The following BMPR2 variants were observed in gnomAD, a reference collection of about 807,000 sequenced individuals.
The protein encoded by BMPR2 is bone morphogenetic protein receptor type-2.
In BMPR2, 29 loss-of-function variants were observed where a neutral mutation model predicts 100.8. The ratio of observed to expected loss-of-function variants is 0.29; its 90% CI spans 0.21 to 0.39. The LOEUF is 0.39. Among genes scored for constraint, BMPR2 ranks in the 10% least tolerant of loss-of-function variants. The pLI, the probability that BMPR2 is intolerant of heterozygous loss-of-function variation, is 1.00. For missense variants in BMPR2, 1,011 were observed against 1,274.5 expected (o/e 0.79, Z 3.15); for synonymous variants, 382 against 442.3 (o/e 0.86, Z 1.71).
rs1008109527 is a variant in BMPR2 at position 202,560,068 on chromosome 2, A to G, written c.*122A>G. Reference sequence around the variant, plus strand: ...CAGCACCCCCTCCCACCCCTGCAACAAAGACTTGCTTTAAATAGATTTCAG... The same window carrying G: ...CAGCACCCCCTCCCACCCCTGCAACGAAGACTTGCTTTAAATAGATTTCAG... On this transcript the variant is annotated 3_prime_UTR_variant, in exon 13 of 13. Coordinates refer to ENST00000374580, the MANE Select transcript of BMPR2 (RefSeq NM_001204.7). The G allele has an allele frequency of 2.5e-6, 3 of 1,224,420 alleles. No individual in the cohort carries two copies. In the African/African-American group the frequency reaches 4.6e-5, roughly 19 times the overall value. The allele number at this position is 1,224,420 out of a possible 1,614,324, so 75.8% of individuals were successfully genotyped here.
intron 1 of BMPR2, among the ~76,000 whole-genome samples, chr2:202,391,199 C>A (rs1231538418): frequency 6.6e-6 from 1 of 151,948 alleles, no homozygotes; most frequent in Non-Finnish European, 1.5e-5. Context: ...TGGTCTCGAA[C>A]TCCTGACCTC....
chr2:202,526,956 T>TCCG (rs1392504043), intron 7 of BMPR2, among the ~76,000 whole-genome samples: 4 of 152,020 alleles, frequency 2.6e-5, no homozygotes, highest in African/African-American at 7.2e-5. Context: ...CTCCGCCTCC[T>TCCG]GGATTCAAGC....
intron 3 of BMPR2, among the ~76,000 whole-genome samples, chr2:202,484,114 A>C (rs935292292): frequency 5.3e-5 from 8 of 152,180 alleles, no homozygotes; most frequent in African/African-American, 9.7e-5. Flanking sequence ...TAAAAATTTG[A>C]AGTAAGATTT....
chr2:202,400,123 A>AG (rs1690740374), intron 1 of BMPR2, among the ~76,000 whole-genome samples: 2 of 151,948 alleles, frequency 1.3e-5, no homozygotes, highest in East Asian at 3.9e-4. Context: ...TAAAAAAAAA[A>AG]GAATACATAG....
In BMPR2 at chr2:202,377,329, T is replaced by C. The variant is rs527863342; in HGVS notation, c.-146T>C. 2.5e-6 allele frequency: 2 copies of C among 790,594 alleles called. No homozygotes were observed. The highest frequency in any genetic ancestry group is 1.7e-5 in the African/African-American group (1 of 59,108). The allele number at this position is 790,594 out of a possible 1,614,324, so 49.0% of individuals were successfully genotyped here. The stretch of plus-strand genomic sequence containing the variant: ...ATGAAAGCTCTGCAGCTAGGTCCTC[T>C]CATCAGCCATTTGTCCTTTCAAACT... On this transcript the variant is annotated 5_prime_UTR_variant, in exon 1 of 13. Coordinates refer to ENST00000374580, the MANE Select transcript of BMPR2 (RefSeq NM_001204.7).
rs375624016 is a variant in BMPR2, at chr2:202,376,511, AGGCGGCGGCGGCGGCGGC to A, written c.-945_-928del. Among the ~76,000 whole-genome samples, 11 of 125,748 alleles carry A rather than the reference AGGCGGCGGCGGCGGCGGC, an allele frequency of 8.7e-5. No homozygotes were observed. The highest frequency in any genetic ancestry group is 2.1e-4 in the African/African-American group (7 of 33,904). 82.5% of individuals were successfully genotyped at this position (125,748 alleles called of 152,430 possible). ...AGGAGCCCAGAGCTGCGGGAGAACG[AGGCGGCGGCGGCGGCGGC>A]GGCGGCGGCGGCGGCGGCAGCAGCA... On this transcript the variant is annotated 5_prime_UTR_variant, in exon 1 of 13. Coordinates refer to ENST00000374580, the MANE Select transcript of BMPR2 (RefSeq NM_001204.7).
intron 3 of BMPR2, among the ~76,000 whole-genome samples, chr2:202,472,488 A>G (rs1264605979): frequency 6.6e-6 from 1 of 152,094 alleles, no homozygotes; most frequent in East Asian, 1.9e-4. Context: ...GTGAAACCCC[A>G]TCTCTACTAA....
intron 3 of BMPR2, among the ~76,000 whole-genome samples, chr2:202,502,685 C>A (rs189480352): frequency 6.6e-6 from 1 of 152,138 alleles, no homozygotes; most frequent in Non-Finnish European, 1.5e-5. Flanking sequence ...CCAAAACCGC[C>A]GAGGCCTAGA....
intron 1 of BMPR2, among the ~76,000 whole-genome samples, chr2:202,422,591 C>T (rs1691289474): frequency 6.6e-6 from 1 of 152,128 alleles, no homozygotes; most frequent in Non-Finnish European, 1.5e-5. Flanking sequence ...CAGGCGTGAG[C>T]CATCGTGCCC....
chr2:202,556,063 C>T lies in BMPR2; in HGVS notation c.2398C>T (p.His800Tyr). 3.7e-6 allele frequency: 6 copies of T among 1,614,192 alleles called. No homozygotes were observed. The highest frequency in any genetic ancestry group is 5.1e-6 in the Non-Finnish European group (6 of 1,180,050). The change falls in exon 12 of 13, where the codon CAT becomes TAT. Residue 800 changes from histidine to tyrosine, a missense_variant. By Grantham distance (83) the His-to-Tyr change is moderately conservative. Around this residue, in one of 6 missense-constraint regions of BMPR2, gnomAD observed 508 missense variants for 552.0 expected, o/e 0.92. Coordinates refer to ENST00000374580, the MANE Select transcript of BMPR2 (RefSeq NM_001204.7). Reference sequence around the variant, plus strand: ...GAATACAATCAATGCAGCAGAACCTCATGTGGTGACAGTCACCATGAATGG... The same window carrying T: ...GAATACAATCAATGCAGCAGAACCTTATGTGGTGACAGTCACCATGAATGG... ...KMNTINAAEPHVVTVTMNGVA... is the reference protein window; with the variant it reads ...KMNTINAAEPYVVTVTMNGVA...
chr2:202,380,190 C>A (rs1177900193), intron 1 of BMPR2, among the ~76,000 whole-genome samples: 1 of 149,078 alleles, frequency 6.7e-6, no homozygotes, highest in African/African-American at 2.5e-5. Context: ...TTTTCTATGC[C>A]CCCCCCAAAA....
At chr2:202,463,241 A>G (rs968073221) in intron 1 of BMPR2, among the ~76,000 whole-genome samples, 3 of 152,334 alleles carry the variant, frequency 2.0e-5, no homozygotes, top group Non-Finnish European at 2.9e-5. Flanking sequence ...AAATGGGAAC[A>G]AGGGTATGAG....
chr2:202,386,612 T>A (rs1690431079), intron 1 of BMPR2, among the ~76,000 whole-genome samples: 1 of 152,174 alleles, frequency 6.6e-6, no homozygotes, highest in African/African-American at 2.4e-5. Context: ...CTAGACTCTG[T>A]TTCCTCTGTT....
intron 7 of BMPR2, among the ~76,000 whole-genome samples, chr2:202,521,293 T>C (rs1244604726): frequency 6.6e-6 from 1 of 152,192 alleles, no homozygotes; most frequent in East Asian, 1.9e-4. Context: ...CCGGGCGTGA[T>C]TGATGGCTCA....
In BMPR2 at chr2:202,552,811, A is replaced by C. The variant is rs1060502583; in HGVS notation, c.1509A>C (p.Glu503Asp). Reference protein sequence around the residue: ...TAQCAEERMAELMMIWERNKS... With the variant: ...TAQCAEERMADLMMIWERNKS... ...AGTGTGCTGAGGAAAGGATGGCTGA[A>C]CTTATGATGATTTGGGAAAGAAACA... The change falls in exon 11 of 13, where the codon GAA (glutamate) becomes GAC (aspartate). Residue 503 changes from glutamate (E) to aspartate (D), a missense_variant. Coordinates refer to ENST00000374580, the MANE Select transcript of BMPR2 (RefSeq NM_001204.7). 1.2e-6 allele frequency: 2 copies of C among 1,614,202 alleles called. No homozygotes were observed. Among genetic ancestry groups the C allele is most frequent in the East Asian group, 4.5e-5 (2 of 44,882 alleles).
intron 1 of BMPR2, among the ~76,000 whole-genome samples, chr2:202,413,809 C>T (rs1022732854): frequency 3.9e-5 from 6 of 152,036 alleles, no homozygotes; most frequent in South Asian, 2.1e-4. Flanking sequence ...GGACCACAGG[C>T]GTGCACTGCC....
chr2:202,379,519 G>T (rs1690225614), intron 1 of BMPR2, among the ~76,000 whole-genome samples: 1 of 152,180 alleles, frequency 6.6e-6, no homozygotes, highest in Admixed American at 6.6e-5. Flanking sequence ...AAGAAGCAGG[G>T]ACACTTACAA....
chr2:202,485,079 G>T (rs1393312654), intron 3 of BMPR2, among the ~76,000 whole-genome samples: 2 of 151,618 alleles, frequency 1.3e-5, no homozygotes, highest in African/African-American at 4.8e-5. Context: ...CTCCCGACTC[G>T]GCCTCCCAAA....
In BMPR2 at chr2:202,559,841, C is replaced by T. The variant is rs750107486; in HGVS notation, c.3012C>T (p.Gly1004=). 14 of 1,614,126 alleles carry T rather than the reference C, an allele frequency of 8.7e-6. No individual in the cohort carries two copies. The highest frequency in any genetic ancestry group is 1.2e-5 in the Non-Finnish European group (14 of 1,180,032). ...TGGACTGTGAAGTCAACAATAATGG[C>T]AGTAACAGGGCAGTTCATTCCAAAT... ...ESLDCEVNNN[G]SNRAVHSKSS... is the part of the protein sequence containing the mutation. Residue 1004 remains glycine, a synonymous_variant, in exon 13 of 13, where the codon GGC becomes GGT. Transcript: ENST00000374580.
Sources: gnomAD v4.1 joint callset for allele counts (sites outside exome capture counted in the v4.1 genomes callset) on GRCh38, gnomAD v4.1.1 for gene constraint, gnomAD v4.1.1 regional missense constraint, MANE v1.5 for transcripts, NCBI Gene and HGNC (gene_info 2026-07-23, HGNC 2026-07-21) for gene names.